The following EXOC6 variants were observed in gnomAD, a reference collection of about 807,000 sequenced individuals.
EXOC6 encodes the protein SEC15-like 1.
A neutral mutation model predicts 112.5 loss-of-function variants in EXOC6; 60 were observed. The ratio of observed to expected loss-of-function variants is 0.53; its 90% confidence interval spans 0.43 to 0.66. EXOC6 has a LOEUF of 0.66. EXOC6 is among the 30% of genes least tolerant of loss of function. The pLI, the probability that EXOC6 is intolerant of heterozygous loss-of-function variation, is 0.00. For synonymous variants in EXOC6, 295 were observed against 308.0 expected, an observed-to-expected ratio of 0.96 and a Z score of 0.44; for missense variants, 855 against 957.1, an observed-to-expected ratio of 0.89 and a Z score of 1.41.
At chr10:92,837,677 A>G (rs1293691460) in intron 1 of EXOC6, among the ~76,000 whole-genome samples, 1 of 152,142 alleles carries the variant, frequency 6.6e-6, no homozygotes, top group African/African-American at 2.4e-5. Context: ...ACACAAACCA[A>G]AACCAAAACC....
chr10:92,929,257 G>C (rs1589850181), intron 9 of EXOC6, among the ~76,000 whole-genome samples: 1 of 152,278 alleles, frequency 6.6e-6, no homozygotes. Context: ...AAATCTTGCT[G>C]AGTGAACGAG....
chr10:92,897,599 A>G (rs1036638577), intron 4 of EXOC6, among the ~76,000 whole-genome samples: 10 of 152,214 alleles, frequency 6.6e-5, no homozygotes, highest in Admixed American at 1.3e-4. Flanking sequence ...TGCCCACTGG[A>G]AATTCCTTAT....
chr10:92,838,845 C>A (rs953158961), intron 1 of EXOC6, among the ~76,000 whole-genome samples: 5 of 152,092 alleles, frequency 3.3e-5, no homozygotes, highest in African/African-American at 1.2e-4. Flanking sequence ...GAGGCTAAGG[C>A]CAGCTCACTT....
upstream of EXOC6, among the ~76,000 whole-genome samples, chr10:92,847,620 C>G (rs1847099511): frequency 6.6e-6 from 1 of 152,200 alleles, no homozygotes; most frequent in South Asian, 2.1e-4. Flanking sequence ...CTGCTTTGAT[C>G]ATGACAAACT....
At chr10:93,033,909 AAGTT>A (rs1424722461) in intron 20 of EXOC6, among the ~76,000 whole-genome samples, 1 of 152,214 alleles carries the variant, frequency 6.6e-6, no homozygotes, top group Non-Finnish European at 1.5e-5. Flanking sequence ...AAAGGATAAA[AAGTT>A]AGGAGTGTAA....
intron 19 of EXOC6, among the ~76,000 whole-genome samples, chr10:93,009,203 C>G (rs532682102): frequency 6.6e-6 from 1 of 152,140 alleles, no homozygotes; most frequent in East Asian, 1.9e-4. Context: ...GAGTGAGACC[C>G]TGTCGCAAAA....
chr10:93,001,547 A>C (rs1193084274), intron 19 of EXOC6, among the ~76,000 whole-genome samples: 2 of 152,214 alleles, frequency 1.3e-5, no homozygotes, highest in Admixed American at 6.5e-5. Flanking sequence ...AGGTGTTCTC[A>C]GTAAAAGGAA....
chr10:93,014,180 CT>C lies in EXOC6; in HGVS notation c.2096-11del. 1 of 1,569,210 alleles carries C rather than the reference CT, an allele frequency of 6.4e-7. No individual in the cohort carries two copies. The highest frequency in any genetic ancestry group is 8.7e-7 in the Non-Finnish European group (1 of 1,155,254). On this transcript the variant is annotated splice_polypyrimidine_tract_variant and intron_variant, in intron 19 of 21. Transcript: ENST00000260762. ...GATCTCATTTTTATTCTTTTTTTTTCTTTCTTTTAATAGTGTTTGCCAGCTC... is the reference window on the plus strand; with the variant it reads ...GATCTCATTTTTATTCTTTTTTTTTCTTCTTTTAATAGTGTTTGCCAGCTC...
chr10:92,910,583 A>G (rs1490527454), intron 6 of EXOC6, among the ~76,000 whole-genome samples: 3 of 152,086 alleles, frequency 2.0e-5, no homozygotes, highest in African/African-American at 7.3e-5. Context: ...CAATGTATAT[A>G]CATCTTACTT....
chr10:92,836,012 G>A (rs992756754), intron 1 of EXOC6, among the ~76,000 whole-genome samples: 1 of 152,134 alleles, frequency 6.6e-6, no homozygotes, highest in Non-Finnish European at 1.5e-5. Context: ...TCTAAAACTT[G>A]TGCATCCACC....
At chr10:92,855,407 CAG>C (rs758817318) in intron 1 of EXOC6, among the ~76,000 whole-genome samples, 10 of 152,050 alleles carry the variant, frequency 6.6e-5, no homozygotes, top group Non-Finnish European at 1.5e-4. Context: ...GCTTTGGTAT[CAG>C]GGTAATGCTG....
chr10:92,911,938 CG>C (rs1850799919), intron 6 of EXOC6, among the ~76,000 whole-genome samples: 14 of 136,230 alleles, frequency 1.0e-4, no homozygotes, highest in East Asian at 6.4e-4. Flanking sequence ...TCTCTGTGTG[CG>C]TGTGTGTGTG....
intron 20 of EXOC6, among the ~76,000 whole-genome samples, chr10:93,046,781 A>G (rs1846018972): frequency 6.6e-6 from 1 of 152,054 alleles, no homozygotes; most frequent in Non-Finnish European, 1.5e-5. Context: ...ATTTTTAAGT[A>G]GAGATGGGGT....
intron 13 of EXOC6, among the ~76,000 whole-genome samples, chr10:92,941,784 G>A (rs1201304983): frequency 1.3e-5 from 2 of 152,172 alleles, no homozygotes; most frequent in Non-Finnish European, 2.9e-5. Flanking sequence ...ATGGACAAAA[G>A]TATTTTAATA....
In EXOC6 at chr10:92,915,774, C is replaced by A; in HGVS notation, c.680C>A (p.Thr227Asn). 6.5e-7 allele frequency: 1 copy of A among 1,529,648 alleles called. No homozygotes were observed. The highest frequency in any genetic ancestry group is 2.5e-5 in the Admixed American group (1 of 39,790). The allele number at this position is 1,529,648 out of a possible 1,614,324, so 94.8% of individuals were successfully genotyped here. Residue 227 changes from threonine to asparagine, a missense_variant, in exon 7 of 22, where the codon ACC becomes AAC. Coordinates refer to ENST00000260762, the MANE Select transcript of EXOC6 (RefSeq NM_019053.6). Reference protein sequence around the residue: ...TAMKQAQHQKTFSVSLQKQNK... With the variant: ...TAMKQAQHQKNFSVSLQKQNK... The stretch of plus-strand genomic sequence containing the variant: ...TCAAAATAGGCACAGCATCAGAAAA[C>A]CTTCAGTGTTTCTCTGCAGAAACAA...
At chr10:92,840,755 T>C (rs185946923) in intron 1 of EXOC6, among the ~76,000 whole-genome samples, 19 of 152,120 alleles carry the variant, frequency 1.2e-4, no homozygotes, top group African/African-American at 4.6e-4. Context: ...CCTCTTGGGC[T>C]CAAGCAATCC....
intron 12 of EXOC6, among the ~76,000 whole-genome samples, chr10:92,938,016 T>G (rs117472165): frequency 1.3e-5 from 2 of 152,252 alleles, no homozygotes; most frequent in Non-Finnish European, 2.9e-5. Flanking sequence ...AAGCAAGACT[T>G]TTTTTCAATA....
intron 8 of EXOC6, among the ~76,000 whole-genome samples, chr10:92,926,100 A>G (rs915856461): frequency 6.6e-6 from 1 of 151,782 alleles, no homozygotes; most frequent in Non-Finnish European, 1.5e-5. Context: ...CAGAATTTGA[A>G]CCAGAAAGTA....
At chr10:92,847,838 T>C (rs1461035281), upstream of EXOC6, among the ~76,000 whole-genome samples, 1 of 49,626 alleles carries the variant, frequency 2.0e-5, no homozygotes, top group African/African-American at 1.2e-4. Flanking sequence ...CCTGGGCCTT[T>C]TTTTTTTTTT....
Sources: allele counts gnomAD v4.1 joint callset (sites outside exome capture counted in the v4.1 genomes callset), GRCh38; gene constraint gnomAD v4.1.1; transcripts MANE v1.5; gene names NCBI Gene and HGNC (gene_info 2026-07-23, HGNC 2026-07-21).